ZNF609: variants seen among roughly 807,000 people sequenced by gnomAD.
ZNF609 encodes zinc finger protein 609.
Under a neutral mutation model 109.5 loss-of-function variants are expected in ZNF609, and 11 were observed. That is an observed-to-expected ratio of 0.10 (90% CI 0.06 to 0.17). The LOEUF is 0.17. Ranked by LOEUF, ZNF609 falls within the 10% of genes least tolerant of loss-of-function variation. The probability of loss-of-function intolerance (pLI) is 1.00; values close to 1 mark genes in which losing one functional copy is unlikely to be tolerated. For missense variants in ZNF609, 1,559 were observed against 1,772.4 expected (o/e 0.88, Z 2.16); for synonymous variants, 646 against 662.0 (o/e 0.98, Z 0.37).
chr15:64,678,576 A>T (rs558100851), intron 6 of ZNF609, 94 bp downstream of exon 6: 75 of 1,492,276 alleles, frequency 5.0e-5, no homozygotes, highest in Non-Finnish European at 6.6e-5. Flanking sequence ...GCCCCAAGGC[A>T]TATTGAGGCT....
At chr15:64,665,213 G>A (rs758332039) in intron 3 of ZNF609, among the ~76,000 whole-genome samples, 4 of 152,200 alleles carry the variant, frequency 2.6e-5, no homozygotes, top group African/African-American at 9.7e-5. Flanking sequence ...AATCCTGTAT[G>A]TGTATGTGTC....
chr15:64,590,701 T>A (rs918315296), intron 2 of ZNF609, among the ~76,000 whole-genome samples: 3 of 151,790 alleles, frequency 2.0e-5, no homozygotes, highest in African/African-American at 7.3e-5. Context: ...TATATATATG[T>A]ATCTGGGTTT....
chr15:64,587,290 T>C (rs529298226), intron 2 of ZNF609, among the ~76,000 whole-genome samples: 1 of 152,244 alleles, frequency 6.6e-6, no homozygotes. Flanking sequence ...AAATCCTGTC[T>C]TTCCATCTTC....
chr15:64,567,699 T>C (rs1179743392), intron 2 of ZNF609, among the ~76,000 whole-genome samples: 1 of 151,780 alleles, frequency 6.6e-6, no homozygotes, highest in East Asian at 1.9e-4. Flanking sequence ...TCTCGCTCGG[T>C]CACCCAGGCT....
intron 1 of ZNF609, 118 bp from the exon 2 acceptor site, chr15:64,499,175 A>T: frequency 2.2e-6 from 1 of 447,394 alleles, no homozygotes. Context: ...CCTGTTTGTC[A>T]TGTCTGTTGT....
At chr15:64,645,269 T>C (rs1420099630) in intron 3 of ZNF609, among the ~76,000 whole-genome samples, 1 of 151,906 alleles carries the variant, frequency 6.6e-6, no homozygotes, top group Non-Finnish European at 1.5e-5. Context: ...TTTTCTATTT[T>C]TTGTAGAGAT....
intron 3 of ZNF609, chr15:64,631,078 G>A (rs1375182382): frequency 2.3e-6 from 1 of 432,252 alleles, no homozygotes; most frequent in Non-Finnish European, 4.3e-6. Flanking sequence ...CATTTTTACA[G>A]TCCTGAGGTC....
At chr15:64,478,372 A>G (rs1187870629) in intron 1 of ZNF609, among the ~76,000 whole-genome samples, 2 of 151,302 alleles carry the variant, frequency 1.3e-5, no homozygotes, top group South Asian at 2.1e-4. Context: ...GGCAGAATAA[A>G]TGAACTTTTT....
chr15:64,510,401 T>C (rs1567001197), intron 2 of ZNF609, among the ~76,000 whole-genome samples: 1 of 151,876 alleles, frequency 6.6e-6, no homozygotes, highest in Non-Finnish European at 1.5e-5. Context: ...AGTTGGGATC[T>C]TACTGGTTGT....
At chr15:64,587,928 A>AG (rs1399109874) in intron 2 of ZNF609, among the ~76,000 whole-genome samples, 2 of 151,808 alleles carry the variant, frequency 1.3e-5, no homozygotes, top group African/African-American at 2.4e-5. Context: ...CTTGGCCAGC[A>AG]GGGGTTTTTC....
intron 2 of ZNF609, among the ~76,000 whole-genome samples, chr15:64,586,035 A>T (rs1240593909): frequency 1.3e-5 from 2 of 151,916 alleles, no homozygotes; most frequent in Non-Finnish European, 2.9e-5. Context: ...TAGAAATGGG[A>T]TCTTGCCGGC....
In ZNF609 at chr15:64,536,872, T is replaced by C. The variant is rs1894155520; in HGVS notation, c.747+36706T>C. Among the ~76,000 whole-genome samples, 3 of 130,094 alleles carry C rather than the reference T, an allele frequency of 2.3e-5. No individual in the cohort carries two copies. The Admixed American group carries it at 2.8e-4, about 12-fold the overall frequency. 85.3% of individuals were successfully genotyped at this position (130,094 alleles called of 152,430 possible). On this transcript the variant is annotated intron_variant, in intron 2 of 9. Coordinates refer to ENST00000326648, the MANE Select transcript of ZNF609 (RefSeq NM_015042.2). Reference sequence around the variant, plus strand: ...CTGCAGTGAGCCGGAATTGTGCCACTGCACTCCAGCCTGGGCGACAGAGAG... The same window carrying C: ...CTGCAGTGAGCCGGAATTGTGCCACCGCACTCCAGCCTGGGCGACAGAGAG...
At chr15:64,531,451 C>T (rs974605453) in intron 2 of ZNF609, among the ~76,000 whole-genome samples, 18 of 152,196 alleles carry the variant, frequency 1.2e-4, no homozygotes, top group Non-Finnish European at 8.8e-5. Flanking sequence ...GGCTGCAGTG[C>T]AGTGGCGACA....
chr15:64,509,154 T>C (rs184008864), intron 2 of ZNF609, among the ~76,000 whole-genome samples: 3 of 152,346 alleles, frequency 2.0e-5, no homozygotes, highest in Non-Finnish European at 4.4e-5. Flanking sequence ...ATGATTTTTT[T>C]CTTTTAAAAA....
rs771843088 is a variant in ZNF609 at position 64,674,037 on chromosome 15, A to T, written c.1183A>T (p.Thr395Ser). ...AGCCACAGCCTCTGACAGCAAAGGGACCAGTAACAGCAGCAAAACCCGGGC... is the reference window on the plus strand; with the variant it reads ...AGCCACAGCCTCTGACAGCAAAGGGTCCAGTAACAGCAGCAAAACCCGGGC... ...ETATASDSKG[T>S]SNSSKTRAGA... is the part of the protein sequence containing the mutation. Residue 395 changes from threonine (T) to serine (S), a missense_variant, in exon 5 of 10, where the codon ACC becomes TCC. Thr to Ser is a moderately conservative substitution (Grantham distance 58). Transcript: ENST00000326648. The T allele has an allele frequency of 1.2e-6, 2 of 1,614,170 alleles. No homozygotes were observed. Among genetic ancestry groups the T allele is most frequent in the Non-Finnish European group, 1.7e-6 (2 of 1,180,038 alleles).
chr15:64,674,304 G>A lies in ZNF609; in HGVS notation c.1450G>A (p.Val484Ile), dbSNP rs984719428. 3 of 1,614,016 alleles carry A rather than the reference G, an allele frequency of 1.9e-6. No homozygotes were observed. Among genetic ancestry groups the A allele is most frequent in the African/African-American group, 1.3e-5 (1 of 74,908 alleles). ...PLPGTKVEPT[V>I]LDRNCPSPVL... is the part of the protein sequence containing the mutation. ...TCCTGGGACAAAGGTAGAACCCACT[G>A]TTCTGGACAGAAACTGCCCCTCCCC... Residue 484 changes from valine (V) to isoleucine (I), a missense_variant, in exon 5 of 10, where the codon GTT becomes ATT. By Grantham distance (29) the Val-to-Ile change is conservative. Coordinates refer to ENST00000326648, the MANE Select transcript of ZNF609 (RefSeq NM_015042.2).
At chr15:64,670,030 G>A (rs182715508) in intron 3 of ZNF609, among the ~76,000 whole-genome samples, 1 of 152,290 alleles carries the variant, frequency 6.6e-6, no homozygotes. Flanking sequence ...AGCTACTTGG[G>A]AGACTGAGGT....
chr15:64,639,224 T>C (rs1449778971), intron 3 of ZNF609, among the ~76,000 whole-genome samples: 1 of 152,224 alleles, frequency 6.6e-6, no homozygotes, highest in Non-Finnish European at 1.5e-5. Context: ...TGACTTAGAC[T>C]GCAGTCTAGC....
At chr15:64,596,326 T>C (rs1895397712) in intron 2 of ZNF609, among the ~76,000 whole-genome samples, 1 of 152,108 alleles carries the variant, frequency 6.6e-6, no homozygotes, top group South Asian at 2.1e-4. Context: ...GCTAATTTTT[T>C]TGTATTTTTA....
Sources: gnomAD v4.1 joint callset for allele counts (sites outside exome capture counted in the v4.1 genomes callset) on GRCh38, gnomAD v4.1.1 for gene constraint, MANE v1.5 for transcripts, NCBI Gene and HGNC (gene_info 2026-07-23, HGNC 2026-07-21) for gene names.